The following METTL16 variants were observed in gnomAD, a reference collection of about 807,000 sequenced individuals.
METTL16 encodes methyltransferase 16, RNA N6-adenosine, also known as RNA N(6)-adenosine-methyltransferase METTL16.
METTL16 carries 19 observed loss-of-function variants against 57.9 expected under a neutral mutation model. The ratio of observed to expected loss-of-function variants is 0.33; its 90% CI spans 0.23 to 0.48. METTL16 has a LOEUF of 0.48. METTL16 is among the 20% of genes least tolerant of loss of function. METTL16 has a pLI of 0.99. For missense variants in METTL16, 434 were observed against 691.5 expected (o/e 0.63, Z 4.18); for synonymous variants, 246 against 255.6 (o/e 0.96, Z 0.36).
intron 3 of METTL16, 58 bp downstream of exon 3, chr17:2,477,628 T>C (rs2067277320): frequency 7.6e-7 from 1 of 1,308,178 alleles, no homozygotes; most frequent in Non-Finnish European, 1.1e-6. Flanking sequence ...TACAAAGAAT[T>C]TGATCTCGCA....
At chr17:2,501,797 G>A (rs2067490135) in intron 2 of METTL16, among the ~76,000 whole-genome samples, 1 of 151,690 alleles carries the variant, frequency 6.6e-6, no homozygotes, top group Admixed American at 6.6e-5. Context: ...GGCAGAGGTT[G>A]CAGTGAGCCG....
intron 6 of METTL16, among the ~76,000 whole-genome samples, chr17:2,458,058 T>G (rs11871710): frequency 0.032 from 4,828 of 152,160 alleles, 281 homozygotes; most frequent in African/African-American, 0.11. Context: ...TTTTAAATTT[T>G]TTGTAGAGAT....
intron 8 of METTL16, among the ~76,000 whole-genome samples, chr17:2,433,555 C>CAG (rs1397456018): frequency 3.3e-5 from 5 of 152,192 alleles, no homozygotes; most frequent in Admixed American, 6.5e-5. Flanking sequence ...GGCAGAGTGT[C>CAG]AGAGTGACAT....
intron 1 of METTL16, among the ~76,000 whole-genome samples, chr17:2,505,757 G>A (rs1050195528): frequency 2.0e-5 from 3 of 151,754 alleles, no homozygotes; most frequent in East Asian, 1.9e-4. Context: ...CTTCCACCTC[G>A]TAGTGATCAT....
chr17:2,508,122 A>G (rs2067561283), intron 1 of METTL16, among the ~76,000 whole-genome samples: 3 of 41,284 alleles, frequency 7.3e-5, no homozygotes, highest in African/African-American at 1.6e-4. Context: ...AGAATGATCA[A>G]TAAAAAAAAA....
intron 4 of METTL16, among the ~76,000 whole-genome samples, chr17:2,471,438 TGA>T (rs2067234163): frequency 6.6e-6 from 1 of 152,164 alleles, no homozygotes; most frequent in South Asian, 2.1e-4. Flanking sequence ...CCCAGCATGC[TGA>T]GATTACAGCA....
chr17:2,448,805 A>AAAT (rs2067044512), intron 6 of METTL16, among the ~76,000 whole-genome samples: 1 of 104,562 alleles, frequency 9.6e-6, no homozygotes, highest in African/African-American at 4.1e-5. Context: ...TAAAATTTAA[A>AAAT]AAAAAAAAAA....
chr17:2,494,037 T>G (rs1036036417), intron 2 of METTL16, among the ~76,000 whole-genome samples: 2 of 152,208 alleles, frequency 1.3e-5, no homozygotes, highest in Admixed American at 1.3e-4. Context: ...TTTTAAAGAT[T>G]ACTTTTAATT....
intron 4 of METTL16, among the ~76,000 whole-genome samples, chr17:2,468,851 GC>G (rs2067218394): frequency 6.6e-6 from 1 of 152,056 alleles, no homozygotes; most frequent in African/African-American, 2.4e-5. Flanking sequence ...TCACGCCACG[GC>G]ACACCGGCAT....
Position 2,419,815 on chromosome 17 carries a change from CGGG to C in METTL16, c.*152_*154del. On this transcript the variant is annotated 3_prime_UTR_variant, in exon 10 of 10. Transcript: ENST00000263092. ...TGTAACTCAAAAAGCGGGAAGGAGGCGGGGGGAGGTGGGGGACAGATTCATAGG... is the reference window on the plus strand; with the variant it reads ...TGTAACTCAAAAAGCGGGAAGGAGGCGGGAGGTGGGGGACAGATTCATAGG... The C allele has an allele frequency of 1.1e-6, 1 of 882,428 alleles. No homozygotes were observed. Among genetic ancestry groups the C allele is most frequent in the Admixed American group, 2.1e-5 (1 of 48,342 alleles). The allele number at this position is 882,428 out of a possible 1,614,324, so 54.7% of individuals were successfully genotyped here.
At chr17:2,495,521 A>G (rs1160086825) in intron 2 of METTL16, among the ~76,000 whole-genome samples, 1 of 150,954 alleles carries the variant, frequency 6.6e-6, no homozygotes, top group Non-Finnish European at 1.5e-5. Context: ...ATGGTGAAAC[A>G]CTGTCTCTAC....
chr17:2,439,698 G>T (rs764370009), intron 7 of METTL16, among the ~76,000 whole-genome samples: 6 of 151,966 alleles, frequency 3.9e-5, no homozygotes, highest in Non-Finnish European at 8.8e-5. Flanking sequence ...CAGGTTTTTT[G>T]ATTTCTGGCT....
At chr17:2,468,311 C>T (rs531301763) in intron 4 of METTL16, among the ~76,000 whole-genome samples, 2 of 152,290 alleles carry the variant, frequency 1.3e-5, no homozygotes, top group Non-Finnish European at 2.9e-5. Flanking sequence ...AATTTCCCTC[C>T]CCTTAAGTAT....
chr17:2,419,733 T>G lies in METTL16; in HGVS notation c.*237A>C. On this transcript the variant is annotated 3_prime_UTR_variant, in exon 10 of 10. Coordinates refer to ENST00000263092, the MANE Select transcript of METTL16 (RefSeq NM_024086.4). ...ATCCCTCGGGAGTTTACTGAGGGCT[T>G]TCTGTTGTTACTGATGACCACAATT... The G allele has an allele frequency of 1.5e-6, 1 of 676,428 alleles. No homozygotes were observed. 41.9% of individuals were successfully genotyped at this position (676,428 alleles called of 1,614,324 possible).
chr17:2,483,858 G>T (rs2067323824), intron 2 of METTL16, among the ~76,000 whole-genome samples: 1 of 152,202 alleles, frequency 6.6e-6, no homozygotes, highest in Non-Finnish European at 1.5e-5. Context: ...CAATGACATA[G>T]GAATGAAAGT....
At chr17:2,447,200 C>G (rs1440606275) in intron 6 of METTL16, among the ~76,000 whole-genome samples, 2 of 145,656 alleles carry the variant, frequency 1.4e-5, no homozygotes. Context: ...GGCCGCCCAT[C>G]GTCTGAGATG....
intron 3 of METTL16, among the ~76,000 whole-genome samples, chr17:2,476,104 G>A (rs2067266942): frequency 6.6e-6 from 1 of 152,196 alleles, no homozygotes; most frequent in African/African-American, 2.4e-5. Flanking sequence ...ACTGCATGTG[G>A]AGAAGCAAGT....
intron 6 of METTL16, among the ~76,000 whole-genome samples, chr17:2,457,467 G>T (rs2067119790): frequency 6.6e-6 from 1 of 151,922 alleles, no homozygotes; most frequent in African/African-American, 2.4e-5. Flanking sequence ...AGCACTTTAG[G>T]AGGCCGAGGC....
chr17:2,501,663 G>A (rs1250466112), intron 2 of METTL16, among the ~76,000 whole-genome samples: 1 of 152,098 alleles, frequency 6.6e-6, no homozygotes, highest in African/African-American at 2.4e-5. Context: ...TTCCAGACCA[G>A]TCTGACCAAC....
Sources: allele counts gnomAD v4.1 joint callset (sites outside exome capture counted in the v4.1 genomes callset), GRCh38; gene constraint gnomAD v4.1.1; transcripts MANE v1.5; gene names NCBI Gene and HGNC (gene_info 2026-07-23, HGNC 2026-07-21).